Variants in TENM4 observed in about 807,000 individuals in gnomAD.
The protein encoded by TENM4 is teneurin transmembrane protein 4, also known as teneurin-4.
A neutral mutation model predicts 243.3 loss-of-function variants in TENM4; 82 were observed. The observed-to-expected ratio is 0.34, with a 90% CI of 0.28 to 0.40. TENM4 has a LOEUF of 0.40. Ranked by LOEUF, TENM4 falls within the 10% of genes least tolerant of loss-of-function variation. TENM4 has a pLI of 1.00. For missense variants in TENM4, 3,138 were observed against 3,673.3 expected (o/e 0.85, Z 3.77); for synonymous variants, 1,412 against 1,456.3 (o/e 0.97, Z 0.69).
chr11:79,277,012 G>A (rs1299067061), intron 2 of TENM4, among the ~76,000 whole-genome samples: 3 of 151,946 alleles, frequency 2.0e-5, no homozygotes, highest in African/African-American at 7.3e-5. Context: ...TAGCCCTTTT[G>A]TAGAATCCAC....
At chr11:79,301,721 C>T (rs545473830) in intron 1 of TENM4, among the ~76,000 whole-genome samples, 8 of 152,330 alleles carry the variant, frequency 5.3e-5, no homozygotes, top group African/African-American at 1.7e-4. Context: ...GGTGGATTCT[C>T]ATGAATGGTT....
At chr11:78,929,800 A>C (rs976103120) in intron 6 of TENM4, among the ~76,000 whole-genome samples, 29 of 152,188 alleles carry the variant, frequency 1.9e-4, no homozygotes, top group Non-Finnish European at 2.9e-5. Context: ...ATTTTGGTGC[A>C]AAATGTGCCT....
intron 5 of TENM4, among the ~76,000 whole-genome samples, chr11:79,066,778 G>C (rs1860271651): frequency 6.6e-6 from 1 of 152,052 alleles, no homozygotes; most frequent in Non-Finnish European, 1.5e-5. Context: ...ACACACACAA[G>C]CACATACTCT....
At chr11:78,844,882 C>T (rs1161469244) in intron 12 of TENM4, among the ~76,000 whole-genome samples, 1 of 152,188 alleles carries the variant, frequency 6.6e-6, no homozygotes, top group African/African-American at 2.4e-5. Flanking sequence ...GCAGCCCTAG[C>T]AGACTAACAC....
intron 4 of TENM4, among the ~76,000 whole-genome samples, chr11:79,074,776 C>A (rs1246191828): frequency 6.6e-6 from 1 of 152,210 alleles, no homozygotes; most frequent in Non-Finnish European, 1.5e-5. Flanking sequence ...CCTGCCCCCA[C>A]TAGCTCTCTA....
At chr11:78,770,693 C>T (rs755740742) in intron 18 of TENM4, among the ~76,000 whole-genome samples, 3 of 152,248 alleles carry the variant, frequency 2.0e-5, no homozygotes, top group Non-Finnish European at 4.4e-5. Flanking sequence ...CTTTGCCAGA[C>T]ATCTCATCCT....
At chr11:78,776,691 C>T (rs760930200) in intron 17 of TENM4, among the ~76,000 whole-genome samples, 6 of 152,118 alleles carry the variant, frequency 3.9e-5, no homozygotes, top group Non-Finnish European at 8.8e-5. Flanking sequence ...TTGATTTTGC[C>T]AAGAAACATT....
At chr11:79,123,443 G>C (rs150475692) in intron 4 of TENM4, among the ~76,000 whole-genome samples, 2,210 of 152,202 alleles carry the variant, frequency 0.015, 62 homozygotes, top group African/African-American at 0.051. Context: ...GCCCCTTGTT[G>C]CCAGTAGTCA....
chr11:78,660,113 G>T (rs1015061150), intron 33 of TENM4, among the ~76,000 whole-genome samples: 1 of 152,176 alleles, frequency 6.6e-6, no homozygotes, highest in African/African-American at 2.4e-5. Context: ...GAGGGAGGAG[G>T]AGCTGTGCTG....
At chr11:79,292,719 C>T (rs55932177) in intron 2 of TENM4, among the ~76,000 whole-genome samples, 9,058 of 152,302 alleles carry the variant, frequency 0.059, 369 homozygotes, top group Middle Eastern at 0.12. Context: ...CAAGCTGGGT[C>T]CCATTCCCAG....
intron 15 of TENM4, among the ~76,000 whole-genome samples, chr11:78,796,350 C>T (rs766773329): frequency 6.6e-6 from 1 of 152,122 alleles, no homozygotes; most frequent in Non-Finnish European, 1.5e-5. Context: ...AGCCAAATAA[C>T]GAGACTGGGA....
At position 78,708,442 on chromosome 11, in the gene TENM4, C is replaced by A. The variant is rs1859309347; in HGVS notation, c.4128G>T (p.Gly1376=). 1 of 1,613,898 alleles carries A rather than the reference C, an allele frequency of 6.2e-7. No homozygotes were observed. The highest frequency in any genetic ancestry group is 8.5e-7 in the Non-Finnish European group (1 of 1,179,910). ...GTMIRRIDQN[G]IISTLLGSND... is the part of the protein sequence containing the mutation. Reference sequence around the variant, plus strand: ...TAGAGCCGAGCAGGGTGGAGATGATCCCATTCTGATCGATGCGTCTGATCA... The same window carrying A: ...TAGAGCCGAGCAGGGTGGAGATGATACCATTCTGATCGATGCGTCTGATCA... Residue 1376 remains glycine (G), a synonymous_variant, in exon 27 of 34, where the codon GGG becomes GGT. Coordinates refer to ENST00000278550, the MANE Select transcript of TENM4 (RefSeq NM_001098816.3).
At chr11:78,993,787 A>G (rs866858963) in intron 6 of TENM4, among the ~76,000 whole-genome samples, 24 of 152,220 alleles carry the variant, frequency 1.6e-4, no homozygotes, top group Middle Eastern at 3.4e-3. Context: ...CCTTGAACAG[A>G]TTTATAGTAT....
chr11:79,382,258 C>A (rs1415938463), intron 1 of TENM4, among the ~76,000 whole-genome samples: 2 of 152,126 alleles, frequency 1.3e-5, no homozygotes, highest in Non-Finnish European at 2.9e-5. Flanking sequence ...AGTGGCCGTG[C>A]CAGAGGGTTC....
At chr11:78,731,874 C>G (rs1414298150) in intron 21 of TENM4, among the ~76,000 whole-genome samples, 1 of 152,200 alleles carries the variant, frequency 6.6e-6, no homozygotes, top group South Asian at 2.1e-4. Flanking sequence ...TGCTAAGCAT[C>G]TCATATACAT....
intron 6 of TENM4, among the ~76,000 whole-genome samples, chr11:78,966,452 T>C (rs1044332495): frequency 6.6e-6 from 1 of 152,116 alleles, no homozygotes; most frequent in African/African-American, 2.4e-5. Context: ...TCCACAAACA[T>C]TTCCTAAACA....
chr11:79,273,664 A>C (rs898397446), intron 2 of TENM4, among the ~76,000 whole-genome samples: 3 of 152,170 alleles, frequency 2.0e-5, no homozygotes, highest in African/African-American at 7.2e-5. Context: ...GGCCCATGTC[A>C]TGCACTGCCC....
intron 15 of TENM4, among the ~76,000 whole-genome samples, chr11:78,789,699 G>A (rs1290572501): frequency 6.6e-6 from 1 of 152,174 alleles, no homozygotes; most frequent in Non-Finnish European, 1.5e-5. Flanking sequence ...GCGGGCTGCT[G>A]GGGCCAAAGC....
Position 79,440,697 on chromosome 11 carries a change from G to T in TENM4, c.-509C>A, listed in dbSNP as rs1048148428. 1 of 152,086 alleles carries T rather than the reference G, an allele frequency of 6.6e-6. No homozygotes were observed. Among genetic ancestry groups the T allele is most frequent in the Non-Finnish European group, 1.5e-5 (1 of 68,092 alleles). 9.4% of individuals were successfully genotyped at this position (152,086 alleles called of 1,614,324 possible). A position where few individuals can be genotyped will look rare whatever the true frequency, so the allele number is the denominator to read the frequency against. On this transcript the variant is annotated 5_prime_UTR_variant, in exon 1 of 34. Coordinates refer to ENST00000278550, the MANE Select transcript of TENM4 (RefSeq NM_001098816.3). This position sits in a 1 kb window ranked among gnomAD's most constrained non-coding sequence, Gnocchi z 4.7. ...CAGCGAGACCAACAATAGCTCCCGC[G>T]GGGAGCGGAGCCCCAGCGAGCCTCC...
Sources: gnomAD v4.1 joint callset for allele counts (sites outside exome capture counted in the v4.1 genomes callset) on GRCh38, gnomAD v4.1.1 for gene constraint, Gnocchi (gnomAD v3.1) non-coding constraint, MANE v1.5 for transcripts, NCBI Gene and HGNC (gene_info 2026-07-23, HGNC 2026-07-21) for gene names.